The following ARFGEF1 variants were observed in gnomAD, a reference collection of about 807,000 sequenced individuals.
The protein encoded by ARFGEF1 is brefeldin A-inhibited guanine nucleotide-exchange protein 1.
Under a neutral mutation model 231.0 loss-of-function variants are expected in ARFGEF1, and 42 were observed. The ratio of observed to expected loss-of-function variants is 0.18; its 90% CI spans 0.14 to 0.24. ARFGEF1 has a LOEUF of 0.24. Among genes scored for constraint, ARFGEF1 ranks in the 10% least tolerant of loss-of-function variants. The pLI is 1.00. For missense variants in ARFGEF1, 1,345 were observed against 2,192.0 expected, an observed-to-expected ratio of 0.61 and a Z score of 7.72; for synonymous variants, 710 against 732.3, an observed-to-expected ratio of 0.97 and a Z score of 0.49.
chr8:67,258,311 G>T, intron 15 of ARFGEF1, 21 bp from the exon 16 acceptor site: 2 of 1,445,358 alleles, frequency 1.4e-6, no homozygotes, highest in Non-Finnish European at 1.9e-6. Flanking sequence ...AACAGAGATA[G>T]AAATTGATAT....
intron 8 of ARFGEF1, 24 bp downstream of exon 8, chr8:67,277,258 C>T (rs1477437871): frequency 6.2e-7 from 1 of 1,607,002 alleles, no homozygotes. Flanking sequence ...GGATTTCTCC[C>T]CCTCCCCACC....
At chr8:67,192,935 T>A (rs959216493), downstream of ARFGEF1, among the ~76,000 whole-genome samples, 1 of 152,254 alleles carries the variant, frequency 6.6e-6, no homozygotes, top group African/African-American at 2.4e-5. Flanking sequence ...TTGTGTCCTA[T>A]AATTCTCAAG....
At chr8:67,182,840 A>G (rs530777780) in intron 5 of ARFGEF1, among the ~76,000 whole-genome samples, 11 of 152,096 alleles carry the variant, frequency 7.2e-5, no homozygotes, top group Non-Finnish European at 1.3e-4. Context: ...TTTTTTTGTT[A>G]TTGAGTTGTG....
intron 19 of ARFGEF1, among the ~76,000 whole-genome samples, chr8:67,241,735 C>T (rs1039716858): frequency 4.6e-5 from 7 of 152,118 alleles, no homozygotes; most frequent in African/African-American, 1.7e-4. Context: ...AAAAAAACAC[C>T]TTCATAAGAA....
chr8:67,282,367 GA>G (rs993357495), intron 7 of ARFGEF1, among the ~76,000 whole-genome samples: 1 of 151,640 alleles, frequency 6.6e-6, no homozygotes, highest in African/African-American at 2.4e-5. Context: ...ACACCACACA[GA>G]AAAATAAATC....
chr8:67,181,491 G>A (rs953557837), intron 5 of ARFGEF1, among the ~76,000 whole-genome samples: 2 of 151,844 alleles, frequency 1.3e-5, no homozygotes, highest in African/African-American at 4.8e-5. Context: ...AGATGGTCTG[G>A]GCCACTCAAG....
At chr8:67,200,242 C>T (rs748798944) in intron 38 of ARFGEF1, 154 bp downstream of exon 38, 19 of 698,196 alleles carry the variant, frequency 2.7e-5, no homozygotes, top group African/African-American at 2.6e-4. Context: ...GAGGAAGATA[C>T]AGCAAGGCCA....
chr8:67,307,463 G>A (rs1806801100), intron 1 of ARFGEF1, among the ~76,000 whole-genome samples: 2 of 152,178 alleles, frequency 1.3e-5, no homozygotes, highest in African/African-American at 4.8e-5. Context: ...AAATTCCACG[G>A]ACAAGGAAGA....
chr8:67,297,804 T>A (rs1275438040), intron 4 of ARFGEF1, among the ~76,000 whole-genome samples: 65 of 152,020 alleles, frequency 4.3e-4, no homozygotes, highest in Non-Finnish European at 2.9e-5. Flanking sequence ...CAACCCGTTT[T>A]TTTTTTTTTT....
In ARFGEF1 at chr8:67,343,186, G is replaced by C; in HGVS notation, c.102C>G (p.Arg34=). 2 of 1,595,002 alleles carry C rather than the reference G, an allele frequency of 1.3e-6. No individual in the cohort carries two copies. Among genetic ancestry groups the C allele is most frequent in the South Asian group, 2.2e-5 (2 of 90,650 alleles). Residue 34 remains arginine, a synonymous_variant, in exon 1 of 39, where the codon CGC becomes CGG. Transcript: ENST00000262215. ...CACCTAACGCCACCTCGCAAGCTTT[G>C]CGCAGCTGGGAGTGATGCGCCTTCT... The part of the protein sequence containing the change: ...EVKKAHHSQL[R]KACEVALEEI...
chr8:67,264,339 G>A (rs2128892722), intron 14 of ARFGEF1, among the ~76,000 whole-genome samples: 1 of 152,218 alleles, frequency 6.6e-6, no homozygotes, highest in Non-Finnish European at 1.5e-5. Context: ...TAATCAACAA[G>A]TCTTAGTGAC....
chr8:67,257,574 T>C (rs984025707), intron 17 of ARFGEF1, among the ~76,000 whole-genome samples, 158 bp downstream of exon 17: 1 of 152,188 alleles, frequency 6.6e-6, no homozygotes, highest in Non-Finnish European at 1.5e-5. Context: ...CTACCAGAAG[T>C]TGCCTTTGTA....
Position 67,289,549 on chromosome 8 carries a change from CAAAAAAAAAAAAAA to C in ARFGEF1, c.917-1498_917-1485del, listed in dbSNP as rs552601455. ...GGGTGACAGAGCAAGACTCTGTATC[CAAAAAAAAAAAAAA>C]AAAAAAAAAAAAAGGAAAAAAGGAC... On this transcript the variant is annotated intron_variant, in intron 6 of 38. Coordinates refer to ENST00000262215, the MANE Select transcript of ARFGEF1 (RefSeq NM_006421.5). Among the ~76,000 whole-genome samples the C allele has an allele frequency of 5.4e-4, 24 of 44,848 alleles. 1 individual carries two copies. The highest frequency in any genetic ancestry group is 1.2e-3 in the African/African-American group (17 of 14,014). The allele number at this position is 44,848 out of a possible 152,430, so 29.4% of individuals were successfully genotyped here.
At chr8:67,309,542 T>C (rs1025752143) in intron 1 of ARFGEF1, among the ~76,000 whole-genome samples, 5 of 152,228 alleles carry the variant, frequency 3.3e-5, no homozygotes, top group Admixed American at 2.0e-4. Context: ...GATTATTACA[T>C]ATAACATCAG....
intron 1 of ARFGEF1, among the ~76,000 whole-genome samples, chr8:67,307,989 G>C (rs2128919711): frequency 6.6e-6 from 1 of 152,310 alleles, no homozygotes; most frequent in Middle Eastern, 3.4e-3. Context: ...GGAGCCCAAT[G>C]GCCCTGTTGT....
At chr8:67,287,810 A>T (rs184932329) in intron 7 of ARFGEF1, 145 bp downstream of exon 7, 198 of 479,820 alleles carry the variant, frequency 4.1e-4, no homozygotes, top group African/African-American at 3.4e-3. Flanking sequence ...TCAAGGCCAA[A>T]ATCCTAAATG....
At chr8:67,259,562 A>G (rs1266736848) in intron 15 of ARFGEF1, among the ~76,000 whole-genome samples, 1 of 152,118 alleles carries the variant, frequency 6.6e-6, no homozygotes, top group Admixed American at 6.6e-5. Context: ...ACTTACCTCT[A>G]TATTTAGGAA....
chr8:67,211,269 G>A (rs1371105175), intron 34 of ARFGEF1, among the ~76,000 whole-genome samples: 3 of 150,634 alleles, frequency 2.0e-5, no homozygotes, highest in Non-Finnish European at 4.4e-5. Context: ...GCTTGAACCC[G>A]GGAGGCGGAG....
At chr8:67,237,373 G>A (rs1839802732) in intron 22 of ARFGEF1, among the ~76,000 whole-genome samples, 2 of 152,192 alleles carry the variant, frequency 1.3e-5, no homozygotes, top group Admixed American at 6.5e-5. Context: ...TTACCACTGG[G>A]AATTAGTTTT....
Sources: gnomAD v4.1 joint callset for allele counts (sites outside exome capture counted in the v4.1 genomes callset) on GRCh38, gnomAD v4.1.1 for gene constraint, MANE v1.5 for transcripts, NCBI Gene and HGNC (gene_info 2026-07-23, HGNC 2026-07-21) for gene names.